GLRA3: variants seen among roughly 807,000 people sequenced by gnomAD.
GLRA3 encodes the protein glycine receptor alpha 3.
GLRA3 carries 44 observed loss-of-function variants against 60.4 expected under a neutral mutation model. That is an observed-to-expected ratio of 0.73 (90% CI 0.57 to 0.94). The LOEUF (loss-of-function observed/expected upper bound fraction) is 0.94, where lower values mean the gene tolerates loss of function less well. Ranked by LOEUF, GLRA3 falls within the 40% of genes least tolerant of loss-of-function variation. GLRA3 has a pLI of 0.00. For missense variants in GLRA3, 508 were observed against 564.6 expected (o/e 0.90, Z 1.02); for synonymous variants, 223 against 192.9 (o/e 1.16, Z -1.29).
intron 3 of GLRA3, among the ~76,000 whole-genome samples, chr4:174,742,674 C>T (rs1010149364): frequency 1.3e-5 from 2 of 152,120 alleles, no homozygotes; most frequent in African/African-American, 4.8e-5. Context: ...TAGAAAATTA[C>T]AAAGCCCTTA....
In GLRA3 at chr4:174,719,819, C is replaced by A. The variant is rs563192663; in HGVS notation, c.492-4249G>T. ...AAAAACATACACAATTAAATGTATG[C>A]CAAATTCTTCTTACGACATGCATTT... On this transcript the variant is annotated intron_variant, in intron 4 of 9. Transcript: ENST00000274093. 5.9e-5 allele frequency among the ~76,000 whole-genome samples: 9 copies of A among 152,206 alleles called. No homozygotes were observed. In the East Asian group the frequency reaches 1.7e-3, roughly 29 times the overall value.
At chr4:174,758,250 C>T (rs1326371736) in intron 3 of GLRA3, among the ~76,000 whole-genome samples, 1 of 152,098 alleles carries the variant, frequency 6.6e-6, no homozygotes, top group Admixed American at 6.5e-5. Flanking sequence ...AAAGGAGTTA[C>T]TTTACAATGG....
intron 4 of GLRA3, chr4:174,722,624 T>G (rs991289401): frequency 7.7e-5 from 12 of 155,088 alleles, no homozygotes; most frequent in Admixed American, 6.6e-5. Flanking sequence ...TAACGACATT[T>G]TTATTCTTTA....
At chr4:174,800,921 T>TA (rs61584514) in intron 1 of GLRA3, among the ~76,000 whole-genome samples, 22,640 of 152,062 alleles carry the variant, frequency 0.15, 1,758 homozygotes, top group South Asian at 0.17. Context: ...ATCTGTTTTT[T>TA]CTCTCAGTAC....
chr4:174,808,955 G>T (rs1560811822), intron 1 of GLRA3, among the ~76,000 whole-genome samples: 1 of 152,080 alleles, frequency 6.6e-6, no homozygotes, highest in Non-Finnish European at 1.5e-5. Context: ...CCGTAAGAAA[G>T]AAAATATTTT....
chr4:174,716,245 C>T (rs921131461), intron 4 of GLRA3, among the ~76,000 whole-genome samples: 2 of 152,120 alleles, frequency 1.3e-5, no homozygotes, highest in Admixed American at 1.3e-4. Context: ...CAGGAAATAG[C>T]CCTCTAGAAT....
At chr4:174,698,806 TGA>T (rs1735176474) in intron 5 of GLRA3, among the ~76,000 whole-genome samples, 1 of 152,126 alleles carries the variant, frequency 6.6e-6, no homozygotes, top group Non-Finnish European at 1.5e-5. Flanking sequence ...TTGAAGTACT[TGA>T]GAGAGGTAAT....
chr4:174,775,705 A>G (rs1226696191), intron 2 of GLRA3, among the ~76,000 whole-genome samples: 3 of 152,186 alleles, frequency 2.0e-5, no homozygotes, highest in African/African-American at 7.2e-5. Flanking sequence ...GTTGTCTTAT[A>G]AACATACTTT....
At chr4:174,739,309 G>A (rs1223665329) in intron 3 of GLRA3, among the ~76,000 whole-genome samples, 1 of 152,152 alleles carries the variant, frequency 6.6e-6, no homozygotes, top group African/African-American at 2.4e-5. Flanking sequence ...CCTACATTGT[G>A]GGGCAGAAAG....
chr4:174,802,843 C>T (rs1208134408), intron 1 of GLRA3, among the ~76,000 whole-genome samples: 1 of 152,008 alleles, frequency 6.6e-6, no homozygotes, highest in Non-Finnish European at 1.5e-5. Flanking sequence ...GAAATGCTGT[C>T]AGTATCTTTT....
Position 174,670,360 on chromosome 4 carries a change from T to C in GLRA3, c.927+6718A>G, listed in dbSNP as rs1000100165. On this transcript the variant is annotated intron_variant, in intron 7 of 9. Coordinates refer to ENST00000274093, the MANE Select transcript of GLRA3 (RefSeq NM_006529.4). The stretch of plus-strand genomic sequence containing the variant: ...CATTTAAAACTTCAAATAGGAATCA[T>C]GGAGACAGATAAAGCCTGTAAAGGT... 2.6e-5 allele frequency among the ~76,000 whole-genome samples: 4 copies of C among 152,264 alleles called. No homozygotes were observed. In the South Asian group the frequency reaches 6.2e-4, roughly 24 times the overall value.
intron 9 of GLRA3, among the ~76,000 whole-genome samples, chr4:174,648,249 T>C (rs1378142700): frequency 6.6e-6 from 1 of 152,046 alleles, no homozygotes; most frequent in South Asian, 2.1e-4. Context: ...TCACCTGAGG[T>C]CAGGAATTCG....
At chr4:174,739,357 T>C (rs2111165000) in intron 3 of GLRA3, among the ~76,000 whole-genome samples, 1 of 152,294 alleles carries the variant, frequency 6.6e-6, no homozygotes, top group East Asian at 1.9e-4. Context: ...AAACAGAATA[T>C]GCAACTAATG....
chr4:174,712,876 T>C (rs1178602605), intron 5 of GLRA3: 2 of 151,704 alleles, frequency 1.3e-5, no homozygotes, highest in East Asian at 3.9e-4. Flanking sequence ...TGTAGATTTG[T>C]ATGTATGAGT....
intron 5 of GLRA3, among the ~76,000 whole-genome samples, chr4:174,690,836 G>A (rs1561057504): frequency 6.6e-6 from 1 of 152,192 alleles, no homozygotes; most frequent in African/African-American, 2.4e-5. Context: ...CAAAATACAT[G>A]ACCTTGTTCT....
rs1732638984 is a variant in GLRA3, at chr4:174,642,103, A to G, written c.*1683T>C. 2.3e-6 allele frequency: 2 copies of G among 887,810 alleles called. No homozygotes were observed. The highest frequency in any genetic ancestry group is 6.2e-5 in the Admixed American group (1 of 16,108). The allele number at this position is 887,810 out of a possible 1,614,324, so 55.0% of individuals were successfully genotyped here. A position where few individuals can be genotyped will look rare whatever the true frequency, so the allele number is the denominator to read the frequency against. On this transcript the variant is annotated 3_prime_UTR_variant, in exon 10 of 10. Transcript: ENST00000274093. The stretch of plus-strand genomic sequence containing the variant: ...TATAGTGTTGTTTTAAGTTACTTAT[A>G]AAGGAGGGGAACTTGGTCTTTTACT...
At chr4:174,762,282 T>C (rs945280730) in intron 3 of GLRA3, among the ~76,000 whole-genome samples, 2 of 152,166 alleles carry the variant, frequency 1.3e-5, no homozygotes, top group Non-Finnish European at 2.9e-5. Context: ...GCTTCTGTCA[T>C]AGTTATGCTT....
chr4:174,732,170 C>T (rs1226926261), intron 3 of GLRA3, among the ~76,000 whole-genome samples: 1 of 152,136 alleles, frequency 6.6e-6, no homozygotes, highest in East Asian at 1.9e-4. Flanking sequence ...TCCTGGCCAA[C>T]ATGGTGAAAC....
intron 8 of GLRA3, among the ~76,000 whole-genome samples, chr4:174,658,486 T>C (rs1202943488): frequency 6.6e-6 from 1 of 152,180 alleles, no homozygotes; most frequent in African/African-American, 2.4e-5. Context: ...TTCCTCCTGG[T>C]TTCATCACTT....
Sources: allele counts gnomAD v4.1 joint callset (sites outside exome capture counted in the v4.1 genomes callset), GRCh38; gene constraint gnomAD v4.1.1; transcripts MANE v1.5; gene names NCBI Gene and HGNC (gene_info 2026-07-23, HGNC 2026-07-21).